Variants in INPP4B observed in about 807,000 individuals in gnomAD.
INPP4B encodes inositol polyphosphate-4-phosphatase type II B.
INPP4B carries 55 observed loss-of-function variants against 122.5 expected under a neutral mutation model. The observed-to-expected ratio is 0.45, with a 90% CI of 0.36 to 0.56. INPP4B has a LOEUF of 0.56. INPP4B is among the 20% of genes least tolerant of loss of function. The probability of loss-of-function intolerance (pLI) is 0.00; values close to 1 mark genes in which losing one functional copy is unlikely to be tolerated. For synonymous variants in INPP4B, 403 were observed against 388.7 expected (o/e 1.04, Z -0.43); for missense variants, 1,000 against 1,097.7 (o/e 0.91, Z 1.26).
chr4:142,552,926 T>C (rs527729149), intron 2 of INPP4B, among the ~76,000 whole-genome samples: 2 of 152,304 alleles, frequency 1.3e-5, no homozygotes, highest in East Asian at 1.9e-4. Context: ...CCTACCTTCA[T>C]TGCACCACCA....
chr4:142,129,947 C>T (rs1325239538), intron 18 of INPP4B, among the ~76,000 whole-genome samples: 1 of 152,020 alleles, frequency 6.6e-6, no homozygotes, highest in Non-Finnish European at 1.5e-5. Context: ...AACTCATGCC[C>T]CCTCCTTCAA....
intron 2 of INPP4B, among the ~76,000 whole-genome samples, chr4:142,644,375 G>T (rs1751255814): frequency 6.6e-6 from 1 of 151,904 alleles, no homozygotes; most frequent in Non-Finnish European, 1.5e-5. Flanking sequence ...CAGGATCACT[G>T]TAGTCTGATT....
chr4:142,151,350 G>A (rs1462312818), intron 17 of INPP4B, among the ~76,000 whole-genome samples: 3 of 151,994 alleles, frequency 2.0e-5, no homozygotes, highest in African/African-American at 7.3e-5. Flanking sequence ...AGCCAGACAT[G>A]TAAACATCCA....
At chr4:142,723,254 A>G (rs1270381222) in intron 2 of INPP4B, among the ~76,000 whole-genome samples, 3 of 152,116 alleles carry the variant, frequency 2.0e-5, no homozygotes, top group Non-Finnish European at 4.4e-5. Flanking sequence ...AAAATTCAAT[A>G]TATGTGAGAA....
intron 9 of INPP4B, among the ~76,000 whole-genome samples, chr4:142,276,809 T>G (rs534437985): frequency 2.4e-4 from 36 of 152,010 alleles, no homozygotes; most frequent in African/African-American, 8.7e-4. Flanking sequence ...TATGAGGAAT[T>G]ATACAAATAC....
At chr4:142,475,055 C>T (rs1051335627) in intron 2 of INPP4B, among the ~76,000 whole-genome samples, 2 of 152,232 alleles carry the variant, frequency 1.3e-5, no homozygotes, top group Non-Finnish European at 2.9e-5. Flanking sequence ...AGCACAACTA[C>T]AGCAGATTAG....
chr4:142,747,250 T>A (rs1268087188), intron 1 of INPP4B, among the ~76,000 whole-genome samples: 1 of 151,976 alleles, frequency 6.6e-6, no homozygotes, highest in African/African-American at 2.4e-5. Flanking sequence ...AATATTTATG[T>A]GGCCAACAAA....
At chr4:142,192,836 AC>A (rs1836575572) in intron 15 of INPP4B, among the ~76,000 whole-genome samples, 1 of 152,278 alleles carries the variant, frequency 6.6e-6, no homozygotes, top group African/African-American at 2.4e-5. Context: ...CTAGAATATC[AC>A]CCCTTAGTCA....
intron 7 of INPP4B, among the ~76,000 whole-genome samples, chr4:142,345,487 T>C (rs575681727): frequency 1.3e-5 from 2 of 152,146 alleles, no homozygotes; most frequent in East Asian, 1.9e-4. Context: ...AGCTCTCAAA[T>C]TCCATGTGTG....
At chr4:142,030,119 A>G in intron 25 of INPP4B, 6 of 1,526,934 alleles carry the variant, frequency 3.9e-6, no homozygotes, top group Non-Finnish European at 5.3e-6. Flanking sequence ...AAGGAATACA[A>G]CATAAAACTT....
chr4:142,483,098 A>G (rs1440524720), intron 2 of INPP4B, among the ~76,000 whole-genome samples: 4 of 148,598 alleles, frequency 2.7e-5, no homozygotes, highest in African/African-American at 4.9e-5. Context: ...AATTATTTGG[A>G]GGTATGTAAT....
intron 7 of INPP4B, among the ~76,000 whole-genome samples, chr4:142,321,510 A>G (rs927675409): frequency 6.6e-6 from 1 of 152,166 alleles, no homozygotes; most frequent in East Asian, 1.9e-4. Context: ...GCCTAAGTCA[A>G]TGTCGAGAAG....
At chr4:142,730,356 C>A (rs546010300) in intron 1 of INPP4B, among the ~76,000 whole-genome samples, 12 of 152,292 alleles carry the variant, frequency 7.9e-5, no homozygotes, top group Admixed American at 2.6e-4. Flanking sequence ...AAAAATTATA[C>A]AATATGTCTT....
chr4:142,485,648 C>T (rs1043126547), intron 2 of INPP4B, among the ~76,000 whole-genome samples: 2 of 152,044 alleles, frequency 1.3e-5, no homozygotes, highest in Non-Finnish European at 2.9e-5. Context: ...ATTGCACAAA[C>T]TGGTTTAATT....
intron 3 of INPP4B, among the ~76,000 whole-genome samples, chr4:142,460,100 T>C (rs1816394413): frequency 6.6e-6 from 1 of 152,170 alleles, no homozygotes; most frequent in African/African-American, 2.4e-5. Flanking sequence ...CCAGATATGC[T>C]ACTACATACC....
chr4:142,720,767 C>A (rs1394917959), intron 2 of INPP4B, among the ~76,000 whole-genome samples: 752 of 13,752 alleles, frequency 0.055, 55 homozygotes, highest in African/African-American at 0.19. Context: ...TATAATCTCT[C>A]TCTCTCTCTC....
At chr4:142,499,412 G>A (rs1177062185) in intron 2 of INPP4B, among the ~76,000 whole-genome samples, 8 of 152,072 alleles carry the variant, frequency 5.3e-5, no homozygotes, top group Admixed American at 3.9e-4. Context: ...AGAAACTCAC[G>A]AAGTCACAAA....
At chr4:142,843,392 G>T (rs923242128) in intron 1 of INPP4B, among the ~76,000 whole-genome samples, 23 of 151,812 alleles carry the variant, frequency 1.5e-4, no homozygotes, top group African/African-American at 5.6e-4. Context: ...TAACAAAGTG[G>T]CCTATGGAAA....
At chr4:142,435,796 A>T (rs2149403012) in intron 3 of INPP4B, among the ~76,000 whole-genome samples, 1 of 152,274 alleles carries the variant, frequency 6.6e-6, no homozygotes, top group East Asian at 1.9e-4. Flanking sequence ...GTTCCCACTC[A>T]TGAACCCATG....
Sources: gnomAD v4.1 joint callset for allele counts (sites outside exome capture counted in the v4.1 genomes callset) on GRCh38, gnomAD v4.1.1 for gene constraint, MANE v1.5 for transcripts, NCBI Gene and HGNC (gene_info 2026-07-23, HGNC 2026-07-21) for gene names.